Variants in SLC1A7 observed in about 807,000 individuals in gnomAD.
SLC1A7 encodes excitatory amino acid transporter 5.
A neutral mutation model predicts 47.7 loss-of-function variants in SLC1A7; 40 were observed. That is an observed-to-expected ratio of 0.84 (90% confidence interval 0.65 to 1.09). The LOEUF (loss-of-function observed/expected upper bound fraction) is 1.09, where lower values mean the gene tolerates loss of function less well. SLC1A7 is among the 50% of genes least tolerant of loss of function. The pLI, the probability that SLC1A7 is intolerant of heterozygous loss-of-function variation, is 0.00. For synonymous variants in SLC1A7, 323 were observed against 325.6 expected, an observed-to-expected ratio of 0.99 and a Z score of 0.09; for missense variants, 746 against 769.5, an observed-to-expected ratio of 0.97 and a Z score of 0.36.
intron 3 of SLC1A7, among the ~76,000 whole-genome samples, chr1:53,111,819 A>G (rs986327771): frequency 3.9e-5 from 6 of 152,188 alleles, no homozygotes; most frequent in Admixed American, 3.9e-4. Flanking sequence ...AAGCCCTGGT[A>G]TTGGATGAAG....
At chr1:53,098,065 GCCTTGGTACACTCACACACCCTA>G (rs1459165752) in intron 5 of SLC1A7, among the ~76,000 whole-genome samples, 1 of 144,580 alleles carries the variant, frequency 6.9e-6, no homozygotes, top group Non-Finnish European at 1.5e-5. Flanking sequence ...CACACATTTT[GCCTTGGTACACTCACACACCCTA>G]CCTTGGTACA....
At chr1:53,138,587 T>C (rs918864637) in intron 1 of SLC1A7, among the ~76,000 whole-genome samples, 6 of 149,720 alleles carry the variant, frequency 4.0e-5, no homozygotes, top group Non-Finnish European at 8.9e-5. Context: ...AGGCTGGCCC[T>C]GAATGCCTGG....
chr1:53,108,333 T>C (rs1644666891), intron 3 of SLC1A7: 5 of 514,242 alleles, frequency 9.7e-6, no homozygotes, highest in Non-Finnish European at 1.7e-5. Flanking sequence ...CAAATGGAAC[T>C]TATACCTATA....
intron 5 of SLC1A7, among the ~76,000 whole-genome samples, chr1:53,099,213 C>CCT (rs1644539119): frequency 1.5e-5 from 2 of 129,698 alleles, no homozygotes; most frequent in African/African-American, 2.7e-5. Context: ...CTCATACACA[C>CCT]CGCCTCAGTA....
chr1:53,121,662 A>C (rs1329590643), intron 2 of SLC1A7, among the ~76,000 whole-genome samples: 3 of 152,244 alleles, frequency 2.0e-5, no homozygotes, highest in Non-Finnish European at 4.4e-5. Context: ...CCCAGCAGTC[A>C]ATTCTGACAC....
At chr1:53,117,682 G>T (rs1644775933) in intron 2 of SLC1A7, among the ~76,000 whole-genome samples, 1 of 152,228 alleles carries the variant, frequency 6.6e-6, no homozygotes, top group Non-Finnish European at 1.5e-5. Flanking sequence ...CTGAGGGATT[G>T]TGTGGAGTGG....
intron 3 of SLC1A7, among the ~76,000 whole-genome samples, chr1:53,113,097 A>G (rs954622185): frequency 6.6e-6 from 1 of 152,210 alleles, no homozygotes; most frequent in Non-Finnish European, 1.5e-5. Flanking sequence ...AGACAGGCTT[A>G]GTTTAAACTG....
chr1:53,092,857 G>C, intron 6 of SLC1A7, 70 bp from the exon 7 acceptor site: 2 of 1,017,736 alleles, frequency 2.0e-6, no homozygotes, highest in Non-Finnish European at 3.1e-6. Flanking sequence ...GCCCCGCATC[G>C]CTGCGCGGCC....
intron 6 of SLC1A7, 55 bp from the exon 7 acceptor site, chr1:53,092,842 C>A (rs961591814): frequency 3.4e-6 from 4 of 1,186,360 alleles, no homozygotes; most frequent in Non-Finnish European, 5.0e-6. Flanking sequence ...CACACCCCGG[C>A]CCCAGCCCCG....
At chr1:53,121,288 A>G (rs545284719) in intron 2 of SLC1A7, among the ~76,000 whole-genome samples, 1 of 152,338 alleles carries the variant, frequency 6.6e-6, no homozygotes, top group East Asian at 1.9e-4. Flanking sequence ...TTGTGTGCCC[A>G]GGTGACTGAG....
chr1:53,133,675 G>C (rs947837076), intron 2 of SLC1A7, among the ~76,000 whole-genome samples: 1 of 152,176 alleles, frequency 6.6e-6, no homozygotes, highest in East Asian at 1.9e-4. Context: ...TAGCACATCA[G>C]TGAAAGGGAC....
rs3753600 is a variant in SLC1A7, at chr1:53,125,615, G to A, written c.215+8735C>T. ...AAAAGGGAATTGGGGCTCAACTCCC[G>A]GGGAGCTGATCTCAGGACATGACTG... is the stretch of plus-strand genomic sequence containing the variant. On this transcript the variant is annotated intron_variant, in intron 2 of 10. Coordinates refer to ENST00000371494, the MANE Select transcript of SLC1A7 (RefSeq NM_006671.6). Among the ~76,000 whole-genome samples, 488 of 152,280 alleles carry A rather than the reference G, an allele frequency of 3.2e-3. 4 individuals carry two copies. Among genetic ancestry groups the A allele is most frequent in the East Asian group, 0.021 (107 of 5,178 alleles).
At chr1:53,100,726 G>GGTACACTCATACATACAACCTCA (rs148828865) in intron 5 of SLC1A7, among the ~76,000 whole-genome samples, 1 of 147,246 alleles carries the variant, frequency 6.8e-6, no homozygotes, top group African/African-American at 2.5e-5. Flanking sequence ...ATACCACCTC[G>GGTACACTCATACATACAACCTCA]GTACACTCAC....
intron 2 of SLC1A7, among the ~76,000 whole-genome samples, chr1:53,117,179 A>G (rs1306202427): frequency 6.6e-6 from 1 of 152,212 alleles, no homozygotes; most frequent in East Asian, 1.9e-4. Context: ...GCAGTGAGAC[A>G]GTGGAAGGCA....
chr1:53,133,444 G>A (rs1644961237), intron 2 of SLC1A7, among the ~76,000 whole-genome samples: 1 of 152,132 alleles, frequency 6.6e-6, no homozygotes, highest in South Asian at 2.1e-4. Flanking sequence ...TCACAAAGGG[G>A]GGAGGTCCAA....
intron 5 of SLC1A7, among the ~76,000 whole-genome samples, chr1:53,095,634 C>T (rs1451495626): frequency 1.4e-5 from 2 of 145,646 alleles, no homozygotes; most frequent in Non-Finnish European, 3.0e-5. Flanking sequence ...CACTTAAACC[C>T]GCCTCAGTAC....
chr1:53,095,287 G>A (rs1417082226), intron 5 of SLC1A7, among the ~76,000 whole-genome samples: 2 of 151,872 alleles, frequency 1.3e-5, no homozygotes, highest in Admixed American at 6.6e-5. Context: ...ACAGACACAG[G>A]CACGGAGAGG....
chr1:53,107,153 TAAAAAAAAAAAAAAAA>T (rs11417607), intron 3 of SLC1A7, among the ~76,000 whole-genome samples: 1 of 24,334 alleles, frequency 4.1e-5, no homozygotes, highest in South Asian at 2.6e-3. Context: ...AGACTCTGAC[TAAAAAAAAAAAAAAAA>T]AAAAAAAAAA....
intron 1 of SLC1A7, among the ~76,000 whole-genome samples, chr1:53,136,165 AT>A: frequency 6.8e-6 from 1 of 147,250 alleles, no homozygotes; most frequent in Admixed American, 6.8e-5. Context: ...ATATATATAT[AT>A]AAAATAATAT....
Sources: gnomAD v4.1 joint callset for allele counts (sites outside exome capture counted in the v4.1 genomes callset) on GRCh38, gnomAD v4.1.1 for gene constraint, MANE v1.5 for transcripts, NCBI Gene and HGNC (gene_info 2026-07-23, HGNC 2026-07-21) for gene names.